Variants in LRRC49 observed in about 807,000 individuals in gnomAD.
LRRC49 encodes the protein leucine rich repeat containing 49.
A neutral mutation model predicts 83.3 loss-of-function variants in LRRC49; 50 were observed. The observed-to-expected ratio is 0.60, with a 90% CI of 0.48 to 0.76. The LOEUF (loss-of-function observed/expected upper bound fraction) is 0.76. Among genes scored for constraint, LRRC49 ranks in the 30% least tolerant of loss-of-function variants. The pLI is 0.00. For missense variants in LRRC49, 704 were observed against 809.1 expected (o/e 0.87, Z 1.58); for synonymous variants, 286 against 283.3 (o/e 1.01, Z -0.10).
At chr15:70,970,750 A>G (rs1005494425) in intron 9 of LRRC49, among the ~76,000 whole-genome samples, 11 of 152,142 alleles carry the variant, frequency 7.2e-5, no homozygotes, top group African/African-American at 2.7e-4. Context: ...TGTTTCTTCT[A>G]GATTTTCTAG....
intron 3 of LRRC49, among the ~76,000 whole-genome samples, chr15:70,897,168 T>G (rs1156821496): frequency 6.6e-6 from 1 of 152,050 alleles, no homozygotes; most frequent in African/African-American, 2.4e-5. Context: ...TGAGTTAGAG[T>G]AGGCAGTTAG....
intron 1 of LRRC49, among the ~76,000 whole-genome samples, chr15:70,860,333 C>T (rs986379125): frequency 6.6e-6 from 1 of 152,214 alleles, no homozygotes; most frequent in Admixed American, 6.5e-5. Flanking sequence ...TTACCCATGC[C>T]TCCAGCTACA....
At chr15:70,983,880 T>C (rs1054327375) in intron 10 of LRRC49, among the ~76,000 whole-genome samples, 2 of 151,842 alleles carry the variant, frequency 1.3e-5, no homozygotes, top group African/African-American at 4.9e-5. Flanking sequence ...TGCATTTTTT[T>C]CCTTTAGAGT....
intron 11 of LRRC49, among the ~76,000 whole-genome samples, chr15:71,001,825 G>A (rs976204606): frequency 6.6e-6 from 1 of 152,012 alleles, no homozygotes; most frequent in Non-Finnish European, 1.5e-5. Flanking sequence ...CTGAGTAGCT[G>A]GGACTACAGG....
At chr15:70,924,300 T>C (rs2035115298) in intron 7 of LRRC49, among the ~76,000 whole-genome samples, 1 of 151,942 alleles carries the variant, frequency 6.6e-6, no homozygotes, top group Admixed American at 6.6e-5. Context: ...TTTAGTCTAT[T>C]GTACTAATTG....
intron 5 of LRRC49, among the ~76,000 whole-genome samples, chr15:70,905,451 C>G (rs1248479447): frequency 6.6e-6 from 1 of 152,192 alleles, no homozygotes; most frequent in Non-Finnish European, 1.5e-5. Context: ...GCCTCCCACC[C>G]TGGCATGGGT....
At chr15:70,984,352 G>A (rs1006338617) in intron 11 of LRRC49, 95 bp downstream of exon 11, 15 of 1,113,292 alleles carry the variant, frequency 1.3e-5, no homozygotes, top group Non-Finnish European at 1.4e-5. Context: ...ATTTTAAAAG[G>A]GTTTTCTTAA....
intron 11 of LRRC49, among the ~76,000 whole-genome samples, chr15:70,992,966 C>T (rs1174672845): frequency 6.6e-6 from 1 of 152,128 alleles, no homozygotes; most frequent in African/African-American, 2.4e-5. Flanking sequence ...TCAGCTATGC[C>T]CTGCCTGCAG....
chr15:70,994,253 A>G (rs1407096451), intron 11 of LRRC49, among the ~76,000 whole-genome samples: 1 of 152,090 alleles, frequency 6.6e-6, no homozygotes, highest in African/African-American at 2.4e-5. Context: ...TTCTTTTTTC[A>G]TGAGAATGCC....
At chr15:71,049,350 T>C (rs1166624556) in intron 15 of LRRC49, 59 bp from the exon 16 acceptor site, 1 of 1,114,236 alleles carries the variant, frequency 9.0e-7, no homozygotes, top group Non-Finnish European at 1.3e-6. Context: ...CAGCTAATTG[T>C]TGCTTTGACT....
intron 11 of LRRC49, among the ~76,000 whole-genome samples, chr15:71,003,672 TA>T (rs2038346175): frequency 6.6e-6 from 1 of 152,230 alleles, no homozygotes; most frequent in Non-Finnish European, 1.5e-5. Context: ...TAGTTTAGAA[TA>T]TTTTTTTCTA....
exon 2 of LRRC49, chr15:70,873,066 GT>G: frequency 1.5e-6 from 1 of 669,976 alleles, no homozygotes; most frequent in Non-Finnish European, 2.7e-6. Flanking sequence ...TGTATTTTTA[GT>G]AGAGGCGGGG....
At chr15:70,968,016 T>C (rs1421473501) in intron 9 of LRRC49, among the ~76,000 whole-genome samples, 1 of 152,072 alleles carries the variant, frequency 6.6e-6, no homozygotes, top group East Asian at 1.9e-4. Context: ...TACTTTAAGT[T>C]CTGGGATACA....
At chr15:70,963,521 G>A (rs557948917) in intron 8 of LRRC49, among the ~76,000 whole-genome samples, 1 of 152,128 alleles carries the variant, frequency 6.6e-6, no homozygotes, top group African/African-American at 2.4e-5. Context: ...AGGACATTAG[G>A]TAAAAACTAA....
At chr15:70,940,534 C>T (rs989392858) in intron 8 of LRRC49, among the ~76,000 whole-genome samples, 1 of 152,126 alleles carries the variant, frequency 6.6e-6, no homozygotes, top group Non-Finnish European at 1.5e-5. Flanking sequence ...TGAGCCACTG[C>T]GCCGGCCTAT....
intron 9 of LRRC49, among the ~76,000 whole-genome samples, chr15:70,966,092 T>G (rs2141202180): frequency 6.6e-6 from 1 of 152,286 alleles, no homozygotes; most frequent in African/African-American, 2.4e-5. Context: ...CCAAAATATT[T>G]ATTATCTGGC....
chr15:70,993,197 T>C (rs1025065810), intron 11 of LRRC49, among the ~76,000 whole-genome samples: 5 of 152,184 alleles, frequency 3.3e-5, no homozygotes, highest in African/African-American at 1.2e-4. Flanking sequence ...CGGGATATAA[T>C]CTCCTGGTGT....
At chr15:70,900,514 C>A (rs2034025731) in intron 3 of LRRC49, 2 of 456,756 alleles carry the variant, frequency 4.4e-6, no homozygotes, top group African/African-American at 2.0e-5. Context: ...TTTGGAGATT[C>A]TTCCATTAAG....
chr15:70,895,653 C>A, intron 2 of LRRC49, 196 bp from the exon 3 acceptor site: 1 of 470,208 alleles, frequency 2.1e-6, no homozygotes, highest in South Asian at 3.3e-5. Context: ...GCCTGGAAGC[C>A]ACAAATATGC....
Sources: allele counts gnomAD v4.1 joint callset (sites outside exome capture counted in the v4.1 genomes callset), GRCh38; gene constraint gnomAD v4.1.1; transcripts MANE v1.5; gene names NCBI Gene and HGNC (gene_info 2026-07-23, HGNC 2026-07-21).